CDH9: variants seen among roughly 807,000 people sequenced by gnomAD.
CDH9 encodes cadherin-9.
CDH9 carries 28 observed loss-of-function variants against 70.9 expected under a neutral mutation model. That is an observed-to-expected ratio of 0.40 (90% CI 0.29 to 0.54). The LOEUF (loss-of-function observed/expected upper bound fraction) is 0.54, where lower values mean the gene tolerates loss of function less well. Ranked by LOEUF, CDH9 falls within the 20% of genes least tolerant of loss-of-function variation. The probability of loss-of-function intolerance (pLI) is 0.59; values close to 1 mark genes in which losing one functional copy is unlikely to be tolerated. For missense variants in CDH9, 874 were observed against 984.4 expected, an observed-to-expected ratio of 0.89 and a Z score of 1.50; for synonymous variants, 409 against 343.1, an observed-to-expected ratio of 1.19 and a Z score of -2.12.
chr5:27,008,535 A>T (rs544362625), intron 1 of CDH9, among the ~76,000 whole-genome samples: 2 of 152,216 alleles, frequency 1.3e-5, no homozygotes, highest in Admixed American at 1.3e-4. Flanking sequence ...AAATAAGTAC[A>T]TCTATAATAT....
intron 1 of CDH9, among the ~76,000 whole-genome samples, chr5:27,022,982 G>A (rs1743164993): frequency 6.6e-6 from 1 of 151,896 alleles, no homozygotes. Context: ...TATTACAAAA[G>A]TGGTTGAAAG....
Position 26,945,529 on chromosome 5 carries a change from G to T in CDH9, c.229-29605C>A, listed in dbSNP as rs181157925. On this transcript the variant is annotated intron_variant, in intron 2 of 11. Coordinates refer to ENST00000231021, the MANE Select transcript of CDH9 (RefSeq NM_016279.4). ...GTAATGTTGCTAATGAATTGCAATA[G>T]TTATTTTATTTAGTTCCAATGTTTT... is the stretch of plus-strand genomic sequence containing the variant. 2.5e-3 allele frequency among the ~76,000 whole-genome samples: 384 copies of T among 152,114 alleles called. 1 individual carries two copies. Among genetic ancestry groups the T allele is most frequent in the African/African-American group, 8.6e-3 (359 of 41,536 alleles).
At chr5:26,924,832 C>T (rs142917572) in intron 2 of CDH9, among the ~76,000 whole-genome samples, 10 of 145,860 alleles carry the variant, frequency 6.9e-5, no homozygotes, top group East Asian at 6.2e-4. Flanking sequence ...GATAGTTTGC[C>T]GAGAATGATG....
At chr5:26,893,259 A>G (rs995723041) in intron 7 of CDH9, among the ~76,000 whole-genome samples, 2 of 152,178 alleles carry the variant, frequency 1.3e-5, no homozygotes, top group Non-Finnish European at 2.9e-5. Context: ...TTATAAAACA[A>G]TTATTGCTGA....
In CDH9 at chr5:26,881,058, C is replaced by A; in HGVS notation, c.*78G>T. 1 of 1,332,062 alleles carries A rather than the reference C, an allele frequency of 7.5e-7. No individual in the cohort carries two copies. The highest frequency in any genetic ancestry group is 2.3e-5 in the East Asian group (1 of 42,568). The allele number at this position is 1,332,062 out of a possible 1,614,324, so 82.5% of individuals were successfully genotyped here. A position where few individuals can be genotyped will look rare whatever the true frequency, so the allele number is the denominator to read the frequency against. ...CTTCAATTTTTGAAAGATTTCCTCC[C>A]AGGAAGAGAATGCAGGCCACTCAAT... On this transcript the variant is annotated 3_prime_UTR_variant, in exon 12 of 12. Transcript: ENST00000231021.
chr5:27,003,276 C>A (rs1742803431), intron 1 of CDH9, among the ~76,000 whole-genome samples: 1 of 152,038 alleles, frequency 6.6e-6, no homozygotes, highest in Admixed American at 6.6e-5. Flanking sequence ...AAATAAACAA[C>A]TGAACCAATA....
intron 11 of CDH9, among the ~76,000 whole-genome samples, chr5:26,884,413 A>G (rs116280148): frequency 0.018 from 2,760 of 152,224 alleles, 45 homozygotes; most frequent in Non-Finnish European, 0.026. Context: ...AGCGAATAAA[A>G]CAACGTGAAA....
chr5:27,016,773 T>G (rs1743053232), intron 1 of CDH9, among the ~76,000 whole-genome samples: 1 of 151,770 alleles, frequency 6.6e-6, no homozygotes, highest in South Asian at 2.1e-4. Flanking sequence ...TTGGTGAGAT[T>G]GAGAGAAAAA....
chr5:26,881,286 A>G lies in CDH9; in HGVS notation c.2220T>C (p.Tyr740=). 1 of 1,613,442 alleles carries G rather than the reference A, an allele frequency of 6.2e-7. No individual in the cohort carries two copies. The highest frequency in any genetic ancestry group is 2.2e-5 in the East Asian group (1 of 44,862). ...PPYDSLATYA[Y]EGNDSIADSL... is the part of the protein sequence containing the mutation. ...AATCTGCTATGGAATCATTCCCTTC[A>G]TAGGCATACGTTGCCAGCGAATCAT... The change falls in exon 12 of 12, where the codon TAT becomes TAC. Residue 740 remains tyrosine (Y), a synonymous_variant. Coordinates refer to ENST00000231021, the MANE Select transcript of CDH9 (RefSeq NM_016279.4).
At chr5:26,999,325 C>T (rs1248285379) in intron 1 of CDH9, among the ~76,000 whole-genome samples, 1 of 152,084 alleles carries the variant, frequency 6.6e-6, no homozygotes, top group Admixed American at 6.6e-5. Context: ...CAAATCATGC[C>T]ATATGCAATG....
intron 2 of CDH9, among the ~76,000 whole-genome samples, chr5:26,946,396 G>A (rs1354025641): frequency 6.6e-6 from 1 of 152,102 alleles, no homozygotes; most frequent in Non-Finnish European, 1.5e-5. Flanking sequence ...TCAGACTGAT[G>A]CTATTGGGCA....
At chr5:26,902,932 T>C in intron 6 of CDH9, 1 of 481,910 alleles carries the variant, frequency 2.1e-6, no homozygotes, top group Non-Finnish European at 3.7e-6. Flanking sequence ...CTTAATATAA[T>C]GGCATACACA....
At chr5:26,985,606 T>C (rs1031181134) in intron 2 of CDH9, among the ~76,000 whole-genome samples, 1 of 152,158 alleles carries the variant, frequency 6.6e-6, no homozygotes, top group Non-Finnish European at 1.5e-5. Context: ...TAAATTAATA[T>C]GTTGTCTATC....
chr5:26,951,205 A>G (rs1165997973), intron 2 of CDH9, among the ~76,000 whole-genome samples: 1 of 141,546 alleles, frequency 7.1e-6, no homozygotes, highest in Non-Finnish European at 1.5e-5. Flanking sequence ...AGGCAGGAGA[A>G]TCACTTGAAC....
At chr5:26,901,482 G>A (rs180732602) in intron 7 of CDH9, among the ~76,000 whole-genome samples, 1 of 151,868 alleles carries the variant, frequency 6.6e-6, no homozygotes, top group Admixed American at 6.6e-5. Context: ...TATTTGGATA[G>A]TCCTAAAATG....
intron 1 of CDH9, among the ~76,000 whole-genome samples, chr5:27,035,684 G>A (rs1300012008): frequency 6.2e-5 from 3 of 48,330 alleles, no homozygotes; most frequent in East Asian, 5.5e-4. Flanking sequence ...ACGTGTGTGT[G>A]TGTGTGTGTG....
intron 1 of CDH9, among the ~76,000 whole-genome samples, chr5:26,995,846 T>C (rs1458088195): frequency 1.3e-5 from 2 of 152,114 alleles, no homozygotes; most frequent in Non-Finnish European, 2.9e-5. Flanking sequence ...TAAAGTACAA[T>C]GTTTTAAATG....
intron 2 of CDH9, among the ~76,000 whole-genome samples, chr5:26,968,068 C>A (rs186183658): frequency 1.3e-5 from 2 of 152,170 alleles, no homozygotes; most frequent in Admixed American, 1.3e-4. Flanking sequence ...GTTTTAGAAC[C>A]TATTGTATTT....
At position 26,889,869 on chromosome 5, in the gene CDH9, T is replaced by C; in HGVS notation, c.1479A>G (p.Glu493=). Residue 493 remains glutamate (E), a synonymous_variant, in exon 9 of 12, where the codon GAA becomes GAG. Transcript: ENST00000231021. ...DHAPEFAMYY[E]TFVCENAKPG... Reference sequence around the variant, plus strand: ...GTTTTGCATTTTCACAAACAAATGTTTCATAATACATGGCAAATTCCGGAG... The same window carrying C: ...GTTTTGCATTTTCACAAACAAATGTCTCATAATACATGGCAAATTCCGGAG... The C allele has an allele frequency of 6.2e-7, 1 of 1,600,092 alleles. No individual in the cohort carries two copies. The highest frequency in any genetic ancestry group is 8.6e-7 in the Non-Finnish European group (1 of 1,168,486).
Sources: gnomAD v4.1 joint callset for allele counts (sites outside exome capture counted in the v4.1 genomes callset) on GRCh38, gnomAD v4.1.1 for gene constraint, MANE v1.5 for transcripts, NCBI Gene and HGNC (gene_info 2026-07-23, HGNC 2026-07-21) for gene names.